BCL2L11: variants seen among roughly 807,000 people sequenced by gnomAD.
BCL2L11 encodes the protein bcl-2-like protein 11.
BCL2L11 carries 15 observed loss-of-function variants against 20.6 expected under a neutral mutation model. The ratio of observed to expected loss-of-function variants is 0.73; its 90% CI spans 0.49 to 1.12. The LOEUF is 1.12. BCL2L11 is among the 50% of genes most tolerant of loss of function. The pLI is 0.00. For synonymous variants in BCL2L11, 108 were observed against 92.8 expected (o/e 1.16, Z -0.94); for missense variants, 292 against 260.9 (o/e 1.12, Z -0.82).
chr2:111,152,337 A>G (rs1438550881), intron 3 of BCL2L11, among the ~76,000 whole-genome samples: 6 of 152,258 alleles, frequency 3.9e-5, no homozygotes, highest in African/African-American at 7.2e-5. Flanking sequence ...TGGTGCCCAC[A>G]GTGTCTCCCT....
At chr2:111,137,706 T>C (rs1371151724) in intron 2 of BCL2L11, among the ~76,000 whole-genome samples, 3 of 151,818 alleles carry the variant, frequency 2.0e-5, no homozygotes, top group Non-Finnish European at 4.4e-5. Context: ...CAGCATTGTT[T>C]ATACAGCCAA....
At chr2:111,151,988 G>C in intron 3 of BCL2L11, 1 of 1,142,442 alleles carries the variant, frequency 8.8e-7, no homozygotes, top group South Asian at 1.4e-5. Context: ...AAGGGATTTT[G>C]GTGTTCCTGT....
rs58738963 is a variant in BCL2L11 at position 111,145,920 on chromosome 2, CTTTTTTTTTT to C, written c.395-4113_395-4104del. On this transcript the variant is annotated intron_variant, in intron 2 of 3. Coordinates refer to ENST00000393256, the MANE Select transcript of BCL2L11 (RefSeq NM_138621.5). ...TATAAAAGTTTTGATTAGTGGCTTTCTTTTTTTTTTTTTTTTTTTTGTAACAAGTAAAGAG... is the reference window on the plus strand; with the variant it reads ...TATAAAAGTTTTGATTAGTGGCTTTCTTTTTTTTTTGTAACAAGTAAAGAG... 1.2e-3 allele frequency: 904 copies of C among 733,754 alleles called. 4 individuals carry two copies. In the African/African-American group the frequency reaches 0.016, roughly 13 times the overall value. 45.5% of individuals were successfully genotyped at this position (733,754 alleles called of 1,614,324 possible).
intron 2 of BCL2L11, among the ~76,000 whole-genome samples, chr2:111,125,204 C>T (rs2072281451): frequency 6.6e-6 from 1 of 152,224 alleles, no homozygotes; most frequent in African/African-American, 2.4e-5. Context: ...TCAACATTGA[C>T]AGCTGATTCA....
At chr2:111,154,841 A>G (rs769919558) in intron 3 of BCL2L11, among the ~76,000 whole-genome samples, 3 of 152,226 alleles carry the variant, frequency 2.0e-5, no homozygotes, top group Non-Finnish European at 4.4e-5. Context: ...GTTTTATTCA[A>G]TGGGCTGCAA....
At chr2:111,147,342 TCTCTCACACA>T (rs1454652961) in intron 2 of BCL2L11, among the ~76,000 whole-genome samples, 9 of 133,556 alleles carry the variant, frequency 6.7e-5, no homozygotes, top group Non-Finnish European at 1.3e-4. Flanking sequence ...TCTCTCTCTC[TCTCTCACACA>T]CACACACACA....
At chr2:111,162,966 C>T (rs2078745381) in intron 3 of BCL2L11, 1 of 152,144 alleles carries the variant, frequency 6.6e-6, no homozygotes, top group South Asian at 2.1e-4. Context: ...TTACAGAGTG[C>T]CTCTACAGGA....
intron 3 of BCL2L11, among the ~76,000 whole-genome samples, chr2:111,163,860 G>A (rs1289684309): frequency 2.2e-4 from 25 of 114,828 alleles, no homozygotes; most frequent in African/African-American, 8.5e-4. Flanking sequence ...TTTTTTGAGT[G>A]CTTTTTTTTT....
chr2:111,151,922 T>C, intron 3 of BCL2L11: 1 of 1,496,684 alleles, frequency 6.7e-7, no homozygotes, highest in East Asian at 2.5e-5. Flanking sequence ...TGGTTGGTTT[T>C]ATAACTTGTC....
chr2:111,122,124 G>T (rs2071149438), intron 1 of BCL2L11, among the ~76,000 whole-genome samples: 1 of 152,226 alleles, frequency 6.6e-6, no homozygotes, highest in African/African-American at 2.4e-5. Flanking sequence ...GCTTTGACTC[G>T]TGTCTGCGGC....
intron 3 of BCL2L11, chr2:111,151,859 C>T: frequency 2.6e-6 from 4 of 1,549,892 alleles, no homozygotes; most frequent in Non-Finnish European, 3.5e-6. Flanking sequence ...TGACATAAAC[C>T]AGTTCACAGA....
At chr2:111,152,273 A>G (rs1405219216) in intron 3 of BCL2L11, among the ~76,000 whole-genome samples, 2 of 152,166 alleles carry the variant, frequency 1.3e-5, no homozygotes, top group East Asian at 3.9e-4. Flanking sequence ...CCTCGGGGCA[A>G]GATCTGCCTT....
In BCL2L11 at chr2:111,164,465, G is replaced by T; in HGVS notation, c.*234G>T. On this transcript the variant is annotated 3_prime_UTR_variant, in exon 4 of 4. Transcript: ENST00000393256. Reference sequence around the variant, plus strand: ...GAATGTAAAGGAGGGAGCATTCTTTGCTTTTTAATATACAAACCATGGTTT... The same window carrying T: ...GAATGTAAAGGAGGGAGCATTCTTTTCTTTTTAATATACAAACCATGGTTT... 2.4e-6 allele frequency: 1 copy of T among 408,264 alleles called. No homozygotes were observed. Among genetic ancestry groups the T allele is most frequent in the Non-Finnish European group, 4.4e-6 (1 of 226,034 alleles). 25.3% of individuals were successfully genotyped at this position (408,264 alleles called of 1,614,324 possible). A position where few individuals can be genotyped will look rare whatever the true frequency, so the allele number is the denominator to read the frequency against.
At chr2:111,124,584 A>G (rs1425406394) in intron 2 of BCL2L11, among the ~76,000 whole-genome samples, 3 of 152,192 alleles carry the variant, frequency 2.0e-5, no homozygotes, top group East Asian at 1.9e-4. Flanking sequence ...GCCACCGCGC[A>G]TGGCCCACAT....
At chr2:111,126,305 T>G (rs1355259446) in intron 2 of BCL2L11, among the ~76,000 whole-genome samples, 1 of 152,272 alleles carries the variant, frequency 6.6e-6, no homozygotes, top group Non-Finnish European at 1.5e-5. Context: ...GCTTCAAAGA[T>G]CATAATCTAA....
At chr2:111,159,268 C>T (rs1325094940) in intron 3 of BCL2L11, among the ~76,000 whole-genome samples, 1 of 152,220 alleles carries the variant, frequency 6.6e-6, no homozygotes, top group African/African-American at 2.4e-5. Flanking sequence ...TCCTGTCCTG[C>T]CACTGTCTTC....
At chr2:111,124,761 A>C (rs949741695) in intron 2 of BCL2L11, among the ~76,000 whole-genome samples, 2 of 152,050 alleles carry the variant, frequency 1.3e-5, no homozygotes, top group African/African-American at 4.8e-5. Flanking sequence ...AAAATAGCTT[A>C]ATAATCAAAA....
chr2:111,123,686 A>T (rs1574870387), intron 1 of BCL2L11, 47 bp from the exon 2 acceptor site: 2 of 1,080,300 alleles, frequency 1.9e-6, no homozygotes, highest in Non-Finnish European at 2.4e-6. Flanking sequence ...TTATTCATCG[A>T]TTTTTTTTTT....
intron 2 of BCL2L11, chr2:111,144,542 A>T: frequency 6.5e-7 from 1 of 1,550,016 alleles, no homozygotes; most frequent in South Asian, 1.2e-5. Flanking sequence ...AAGGAAACAT[A>T]AGGGGGCTGG....
Sources: allele counts gnomAD v4.1 joint callset (sites outside exome capture counted in the v4.1 genomes callset), GRCh38; gene constraint gnomAD v4.1.1; transcripts MANE v1.5; gene names NCBI Gene and HGNC (gene_info 2026-07-23, HGNC 2026-07-21).